The following ENTREP2 variants were observed in gnomAD, a reference collection of about 807,000 sequenced individuals.
ENTREP2 encodes the protein endosomal transmembrane epsin interactor 2.
chr15:29,659,419 C>A, the ENTREP2 span, among the ~76,000 whole-genome samples: 1 of 151,966 alleles, frequency 6.6e-6, no homozygotes, highest in African/African-American at 2.4e-5. Context: ...TGCAGTGAGC[C>A]GAGATCACGC....
At chr15:29,120,248 C>G in the ENTREP2 span, 1 of 152,062 alleles carries the variant, frequency 6.6e-6, no homozygotes, top group African/African-American at 2.4e-5. Context: ...CTCAGAGACA[C>G]AGAGGCCAGA....
chr15:29,277,878 G>T, the ENTREP2 span, among the ~76,000 whole-genome samples: 1 of 152,158 alleles, frequency 6.6e-6, no homozygotes, highest in East Asian at 1.9e-4. Context: ...TCCACAAAGA[G>T]AGCTGACAAA....
chr15:29,124,576 G>C, the ENTREP2 span: 4 of 861,502 alleles, frequency 4.6e-6, no homozygotes, highest in South Asian at 3.3e-5. Context: ...CCCCATTCCC[G>C]GGGGTGGGGT....
chr15:29,382,808 G>T, the ENTREP2 span, among the ~76,000 whole-genome samples: 1 of 152,090 alleles, frequency 6.6e-6, no homozygotes, highest in South Asian at 2.1e-4. Flanking sequence ...TCCAGGAAGG[G>T]CCAATGGATC....
At chr15:29,135,527 A>G in the ENTREP2 span, among the ~76,000 whole-genome samples, 31 of 152,250 alleles carry the variant, frequency 2.0e-4, no homozygotes, top group Admixed American at 3.9e-4. This position sits in a 1 kb window ranked among gnomAD's most constrained non-coding sequence, Gnocchi z 7.4. Flanking sequence ...GACAACAACG[A>G]TGATGAGGAG....
At chr15:29,441,626 C>T in the ENTREP2 span, among the ~76,000 whole-genome samples, 15 of 152,162 alleles carry the variant, frequency 9.9e-5, no homozygotes, top group Admixed American at 3.9e-4. Context: ...TGCATATAGA[C>T]GATATTTTTT....
At chr15:29,211,506 A>G in the ENTREP2 span, among the ~76,000 whole-genome samples, 1 of 152,184 alleles carries the variant, frequency 6.6e-6, no homozygotes, top group Non-Finnish European at 1.5e-5. Context: ...CTAGGACTTC[A>G]GTAGTGTGTT....
At chr15:29,171,438 T>G in the ENTREP2 span, among the ~76,000 whole-genome samples, 1 of 152,184 alleles carries the variant, frequency 6.6e-6, no homozygotes, top group Non-Finnish European at 1.5e-5. Context: ...TTCACCCCTG[T>G]GCATTCCAGG....
the ENTREP2 span, chr15:29,373,880 C>A: frequency 2.0e-5 from 3 of 151,398 alleles, no homozygotes; most frequent in Non-Finnish European, 2.9e-5. Context: ...GTGAATGGAG[C>A]AACAGTCATG....
At chr15:29,249,284 G>A in the ENTREP2 span, among the ~76,000 whole-genome samples, 2 of 152,118 alleles carry the variant, frequency 1.3e-5, no homozygotes, top group Non-Finnish European at 2.9e-5. Flanking sequence ...CACCAGCCTG[G>A]GTGACTGAGC....
At chr15:29,157,075 C>T in the ENTREP2 span, among the ~76,000 whole-genome samples, 18 of 151,952 alleles carry the variant, frequency 1.2e-4, 1 homozygote, top group East Asian at 1.7e-3. Context: ...CCAGCCTGGG[C>T]GACAAAGCGA....
chr15:29,402,530 C>T, the ENTREP2 span, among the ~76,000 whole-genome samples: 1 of 152,080 alleles, frequency 6.6e-6, no homozygotes, highest in Admixed American at 6.6e-5. Context: ...AGGCTGGTCT[C>T]GAACTCCTGG....
the ENTREP2 span, among the ~76,000 whole-genome samples, chr15:29,634,595 AG>A: frequency 6.6e-6 from 1 of 152,200 alleles, no homozygotes; most frequent in African/African-American, 2.4e-5. Flanking sequence ...CCCCCAATTC[AG>A]TTCCAATACT....
the ENTREP2 span, among the ~76,000 whole-genome samples, chr15:29,397,711 TTGGAAATATGCTCAAACAGC>T: frequency 6.6e-6 from 1 of 152,108 alleles, no homozygotes; most frequent in Non-Finnish European, 1.5e-5. Context: ...CACCAAGAAA[TTGGAAATATGCTCAAACAGC>T]TGTAGGCAAA....
the ENTREP2 span, among the ~76,000 whole-genome samples, chr15:29,183,574 G>A: frequency 9.8e-5 from 15 of 152,294 alleles, no homozygotes; most frequent in African/African-American, 3.4e-4. Context: ...TGGAATACTC[G>A]CTCAATGCAA....
At chr15:29,486,938 C>A in the ENTREP2 span, among the ~76,000 whole-genome samples, 1 of 152,162 alleles carries the variant, frequency 6.6e-6, no homozygotes, top group East Asian at 1.9e-4. Flanking sequence ...TACAAAGTTG[C>A]AGCTAGATAG....
At chr15:29,420,304 A>C in the ENTREP2 span, among the ~76,000 whole-genome samples, 6 of 152,194 alleles carry the variant, frequency 3.9e-5, no homozygotes, top group African/African-American at 1.4e-4. Context: ...ACAGTATGAC[A>C]TCCACAGGCT....
At chr15:29,502,285 G>A in the ENTREP2 span, among the ~76,000 whole-genome samples, 4 of 151,892 alleles carry the variant, frequency 2.6e-5, no homozygotes, top group African/African-American at 9.7e-5. Flanking sequence ...ATAGATCAGT[G>A]AAACAGATCT....
the ENTREP2 span, among the ~76,000 whole-genome samples, chr15:29,139,421 GAGCTGAGA>G: frequency 6.6e-6 from 1 of 152,254 alleles, no homozygotes; most frequent in South Asian, 2.1e-4. Flanking sequence ...CTGCTGCACA[GAGCTGAGA>G]AGCAGGGCGA....
Sources: gnomAD v4.1 joint callset for allele counts (sites outside exome capture counted in the v4.1 genomes callset) on GRCh38, gnomAD v4.1.1 for gene constraint, Gnocchi (gnomAD v3.1) non-coding constraint, MANE v1.5 for transcripts, NCBI Gene and HGNC (gene_info 2026-07-23, HGNC 2026-07-21) for gene names.